The following FRMPD4 variants were observed in gnomAD, a reference collection of about 807,000 sequenced individuals.
The protein encoded by FRMPD4 is FERM and PDZ domain containing 4.
In FRMPD4, 22 loss-of-function variants were observed where a neutral mutation model predicts 94.1. That is an observed-to-expected ratio of 0.23 (90% CI 0.17 to 0.33). The LOEUF is 0.33. Ranked by LOEUF, FRMPD4 falls within the 10% of genes least tolerant of loss-of-function variation. The probability of loss-of-function intolerance (pLI) is 1.00; values close to 1 mark genes in which losing one functional copy is unlikely to be tolerated. For synonymous variants in FRMPD4, 631 were observed against 548.6 expected (o/e 1.15, Z -2.10); for missense variants, 1,111 against 1,339.9 (o/e 0.83, Z 2.67).
chrX:12,720,419 G>A, intron 16 of FRMPD4, 115 bp from the exon 17 acceptor site: 1 of 746,818 alleles, frequency 1.3e-6, no homozygotes, highest in Non-Finnish European at 2.0e-6. Flanking sequence ...AGCATCGGCA[G>A]CCCTTCCAGA....
At chrX:12,128,239 C>A (rs1366446250) in intron 3 of FRMPD4, among the ~76,000 whole-genome samples, 1 of 113,278 alleles carries the variant, frequency 8.8e-6, no homozygotes, top group Non-Finnish European at 1.9e-5. Flanking sequence ...CTGGCATTTC[C>A]ATATGTCCTC....
At chrX:12,649,023 A>G (rs887435113) in intron 4 of FRMPD4, among the ~76,000 whole-genome samples, 2 of 111,973 alleles carry the variant, frequency 1.8e-5, no homozygotes, top group African/African-American at 6.5e-5. Context: ...ATCATCTCTC[A>G]CCCAGGCCAG....
chrX:12,478,452 G>T (rs952876534), intron 1 of FRMPD4, among the ~76,000 whole-genome samples: 3 of 111,782 alleles, frequency 2.7e-5, no homozygotes, highest in Non-Finnish European at 5.6e-5. Context: ...GGTGGTGCGT[G>T]CTATGCCTGT....
chrX:12,386,997 G>A (rs563779473), intron 1 of FRMPD4, among the ~76,000 whole-genome samples: 1 of 111,733 alleles, frequency 8.9e-6, no homozygotes, highest in Admixed American at 9.5e-5. Context: ...TGCAATTCTT[G>A]GCAAACAAAA....
intron 1 of FRMPD4, among the ~76,000 whole-genome samples, chrX:12,232,888 C>G (rs1004833702): frequency 4.5e-5 from 5 of 111,973 alleles, no homozygotes; most frequent in African/African-American, 1.6e-4. Context: ...ACAGGCCATT[C>G]AAACACTGAG....
At chrX:12,595,278 G>GTCAT (rs1351611898) in intron 2 of FRMPD4, among the ~76,000 whole-genome samples, 1 of 111,804 alleles carries the variant, frequency 8.9e-6, no homozygotes, top group Non-Finnish European at 1.9e-5. Context: ...TTTATCCTGG[G>GTCAT]TCATTGATTT....
intron 3 of FRMPD4, among the ~76,000 whole-genome samples, chrX:12,007,399 A>G (rs1421731498): frequency 8.9e-6 from 1 of 112,343 alleles, no homozygotes; most frequent in African/African-American, 3.2e-5. Flanking sequence ...TTTCAAAGTC[A>G]TTCTTCTTGC....
chrX:12,126,269 T>C (rs953110451), intron 3 of FRMPD4, among the ~76,000 whole-genome samples: 4 of 111,896 alleles, frequency 3.6e-5, no homozygotes, highest in East Asian at 5.6e-4. Context: ...TGTCTGCCGA[T>C]TGATGGCAAG....
chrX:12,719,626 G>C (rs1569077857), intron 16 of FRMPD4, among the ~76,000 whole-genome samples: 1 of 111,968 alleles, frequency 8.9e-6, no homozygotes, highest in Non-Finnish European at 1.9e-5. Context: ...GTTCTTTTAA[G>C]ATTTTCTACT....
intron 4 of FRMPD4, among the ~76,000 whole-genome samples, chrX:12,664,633 A>T (rs1285709704): frequency 1.8e-5 from 2 of 111,782 alleles, no homozygotes; most frequent in African/African-American, 6.5e-5. Flanking sequence ...TTTCGCATTG[A>T]TGTTCATCAG....
intron 2 of FRMPD4, among the ~76,000 whole-genome samples, chrX:12,609,471 A>C (rs554802795): frequency 2.2e-4 from 25 of 111,754 alleles, no homozygotes; most frequent in Middle Eastern, 4.6e-3. Context: ...CACAAGCTTG[A>C]GCGAGGTGAG....
intron 1 of FRMPD4, among the ~76,000 whole-genome samples, chrX:12,488,628 A>AT (rs11307370): frequency 6.1e-4 from 66 of 108,098 alleles, no homozygotes; most frequent in South Asian, 5.7e-3. Flanking sequence ...GGAAAATAGA[A>AT]TTTTTTTTTT....
At chrX:12,187,150 C>T (rs2056434279) in intron 1 of FRMPD4, among the ~76,000 whole-genome samples, 1 of 111,415 alleles carries the variant, frequency 9.0e-6, no homozygotes, top group African/African-American at 3.3e-5. Flanking sequence ...AAGAAATATA[C>T]CCAGGTCCTT....
rs2054703816 is a variant in FRMPD4, at chrX:12,033,608, A to C, written c.95+155590A>C. Among the ~76,000 whole-genome samples, 2 of 112,138 alleles carry C rather than the reference A, an allele frequency of 1.8e-5. 1 individual carries two copies. ...CTTCATGGAATAAAGGAAGAGATTT[A>C]AAGGTAATGGCAAGCAGGTGGGAAG... On this transcript the variant is annotated intron_variant, in intron 3 of 18. Coordinates refer to the FRMPD4 transcript ENST00000640291.
chrX:12,166,477 A>G (rs2056120115), intron 1 of FRMPD4, among the ~76,000 whole-genome samples: 1 of 111,348 alleles, frequency 9.0e-6, no homozygotes, highest in Non-Finnish European at 1.9e-5. Flanking sequence ...GGATTTTTGC[A>G]TCAATGTTCA....
chrX:12,687,854 G>A (rs369950466), intron 7 of FRMPD4, among the ~76,000 whole-genome samples: 58 of 111,831 alleles, frequency 5.2e-4, no homozygotes, highest in African/African-American at 4.9e-4. Context: ...GGTTTTCCAC[G>A]TAGACACAGC....
intron 1 of FRMPD4, among the ~76,000 whole-genome samples, chrX:12,443,453 A>AGT (rs1393805181): frequency 1.8e-5 from 2 of 112,028 alleles, no homozygotes; most frequent in Non-Finnish European, 3.8e-5. Context: ...TATTGTACTC[A>AGT]GTGTTAAAAA....
chrX:11,837,549 T>C (rs981459136), intron 1 of FRMPD4, among the ~76,000 whole-genome samples: 9 of 111,627 alleles, frequency 8.1e-5, no homozygotes, highest in African/African-American at 2.9e-4. Context: ...GATACATTTT[T>C]ATCAAGAATA....
At chrX:12,630,308 G>A (rs1158147469) in intron 4 of FRMPD4, among the ~76,000 whole-genome samples, 1 of 112,568 alleles carries the variant, frequency 8.9e-6, no homozygotes, top group Non-Finnish European at 1.9e-5. Context: ...CCATTGTAGT[G>A]CAAAAGCAGC....
Sources: gnomAD v4.1 joint callset for allele counts (sites outside exome capture counted in the v4.1 genomes callset) on GRCh38, gnomAD v4.1.1 for gene constraint, MANE v1.5 for transcripts, NCBI Gene and HGNC (gene_info 2026-07-23, HGNC 2026-07-21) for gene names.